Variants in ITIH2 observed in about 807,000 individuals in gnomAD.
ITIH2 encodes inter-alpha-trypsin inhibitor heavy chain 2.
Under a neutral mutation model 104.4 loss-of-function variants are expected in ITIH2, and 103 were observed. The ratio of observed to expected loss-of-function variants is 0.99; its 90% CI spans 0.84 to 1.16. The LOEUF (loss-of-function observed/expected upper bound fraction) is 1.16. Among genes scored for constraint, ITIH2 ranks in the 50% most tolerant of loss-of-function variants. The pLI, the probability that ITIH2 is intolerant of heterozygous loss-of-function variation, is 0.00. For synonymous variants in ITIH2, 436 were observed against 435.4 expected (o/e 1.00, Z -0.02); for missense variants, 1,108 against 1,162.4 (o/e 0.95, Z 0.68).
At chr10:7,745,823 C>T (rs1349729449) in intron 19 of ITIH2, among the ~76,000 whole-genome samples, 6 of 151,270 alleles carry the variant, frequency 4.0e-5, no homozygotes, top group Non-Finnish European at 8.8e-5. Context: ...GGCGCAATCT[C>T]GGCTCACCGC....
rs745829511 is a variant in ITIH2, at chr10:7,735,024, C to T, written c.1890C>T (p.Ile630=). The T allele has an allele frequency of 2.5e-5, 40 of 1,613,520 alleles. No individual in the cohort carries two copies. In the Middle Eastern group the frequency reaches 4.6e-3, roughly 186 times the overall value. Residue 630 remains isoleucine (I), a synonymous_variant, in exon 15 of 21, where the codon ATC becomes ATT. Transcript: ENST00000358415. ...TGACTCCGCTGACCTCGCTGGTGAT[C>T]GAGAACGAGGCTGGGGATGAGCGCA... ...HIVTPLTSLV[I]ENEAGDERML...
chr10:7,735,125 G>A (rs746263855), intron 15 of ITIH2, 34 bp downstream of exon 15: 2 of 1,571,596 alleles, frequency 1.3e-6, no homozygotes, highest in South Asian at 2.3e-5. Flanking sequence ...AAGTGGCCAG[G>A]CAGCTCTCTT....
chr10:7,738,597 A>G (rs1343450216), intron 15 of ITIH2, 24 bp from the exon 16 acceptor site: 1 of 1,611,880 alleles, frequency 6.2e-7, no homozygotes, highest in Non-Finnish European at 8.5e-7. Flanking sequence ...CTAGAAACTA[A>G]CAGATGCAGG....
At chr10:7,725,354 C>G (rs1053873472) in intron 9 of ITIH2, among the ~76,000 whole-genome samples, 6 of 152,112 alleles carry the variant, frequency 3.9e-5, no homozygotes, top group Non-Finnish European at 2.9e-5. Flanking sequence ...ATGCAATGAA[C>G]AGCTCATGCA....
chr10:7,744,085 T>C lies in ITIH2; in HGVS notation c.2213T>C (p.Ile738Thr), dbSNP rs149235348. 1.6e-5 allele frequency: 26 copies of C among 1,613,226 alleles called. No homozygotes were observed. The highest frequency in any genetic ancestry group is 1.5e-4 in the South Asian group (14 of 91,044). Residue 738 changes from isoleucine to threonine, a missense_variant, in exon 18 of 21, where the codon ATT (isoleucine) becomes ACT (threonine). Ile to Thr is a moderately conservative substitution (Grantham distance 89). Coordinates refer to ENST00000358415, the MANE Select transcript of ITIH2 (RefSeq NM_002216.3). ...LNLVSDPESGIVVNGQLVGAK... is the reference protein window; with the variant it reads ...LNLVSDPESGTVVNGQLVGAK... ...ATCATTTTTTTCTTTCCTGTAGGAA[T>C]TGTAGTCAACGGTCAGCTTGTTGGT...
intron 9 of ITIH2, among the ~76,000 whole-genome samples, chr10:7,725,362 G>A (rs1834942542): frequency 1.3e-5 from 2 of 152,268 alleles, no homozygotes; most frequent in South Asian, 4.1e-4. Context: ...AACAGCTCAT[G>A]CAACAGTTCT....
At chr10:7,712,669 C>T (rs76962144) in intron 4 of ITIH2, among the ~76,000 whole-genome samples, 7,624 of 152,186 alleles carry the variant, frequency 0.05, 256 homozygotes, top group Admixed American at 0.076. Flanking sequence ...CTACCAAACC[C>T]CTCTCAAGCC....
chr10:7,705,882 C>A (rs1251422443), intron 2 of ITIH2, among the ~76,000 whole-genome samples: 2 of 152,012 alleles, frequency 1.3e-5, no homozygotes, highest in Admixed American at 1.3e-4. Flanking sequence ...CTGAGGGCAC[C>A]TGAGAAGGAG....
chr10:7,740,241 C>T (rs984868387), intron 16 of ITIH2, among the ~76,000 whole-genome samples: 2 of 152,150 alleles, frequency 1.3e-5, no homozygotes, highest in African/African-American at 4.8e-5. Flanking sequence ...TCATCTCACC[C>T]TTAGGGCTTA....
chr10:7,720,435 G>A (rs1452660055), intron 6 of ITIH2, among the ~76,000 whole-genome samples: 2 of 152,180 alleles, frequency 1.3e-5, no homozygotes, highest in Admixed American at 6.5e-5. Flanking sequence ...AAAGCAAGAA[G>A]ACAGAGAAGA....
At chr10:7,727,327 A>G (rs894846450) in intron 10 of ITIH2, among the ~76,000 whole-genome samples, 1 of 152,222 alleles carries the variant, frequency 6.6e-6, no homozygotes, top group Non-Finnish European at 1.5e-5. Context: ...AACCGTTTTA[A>G]TGTCTCTCAG....
intron 6 of ITIH2, among the ~76,000 whole-genome samples, chr10:7,718,064 C>G (rs1261579383): frequency 6.6e-6 from 1 of 152,120 alleles, no homozygotes; most frequent in Non-Finnish European, 1.5e-5. Context: ...AATTGATTCT[C>G]TCATGGAAGT....
Position 7,744,787 on chromosome 10 carries a change from C to G in ITIH2, c.2409-4C>G. The G allele has an allele frequency of 6.2e-7, 1 of 1,612,158 alleles. No individual in the cohort carries two copies. Among genetic ancestry groups the G allele is most frequent in the East Asian group, 2.2e-5 (1 of 44,866 alleles). ...GTTTAATTCCTCTTGGACTTTCACA[C>G]CAGGGTGCAGATCTCAGTGAAGAAA... On this transcript the variant is annotated splice_region_variant and splice_polypyrimidine_tract_variant and intron_variant, in intron 18 of 20. Coordinates refer to ENST00000358415, the MANE Select transcript of ITIH2 (RefSeq NM_002216.3).
rs781368500 is a variant in ITIH2 at position 7,721,718 on chromosome 10, G to C, written c.808G>C (p.Asp270His). 1 of 1,614,102 alleles carries C rather than the reference G, an allele frequency of 6.2e-7. No homozygotes were observed. The highest frequency in any genetic ancestry group is 8.5e-7 in the Non-Finnish European group (1 of 1,179,984). Residue 270 changes from aspartate (D) to histidine (H), a missense_variant, in exon 8 of 21, where the codon GAT becomes CAT. Physicochemically the swap from Asp to His is moderately conservative, Grantham distance 81. Transcript: ENST00000358415. ...ICPNCRETAV[D>H]GELVVLYDVK... ...CCCTAACTGCCGGGAGACTGCGGTA[G>C]ATGGGGAACTGGTGGTGCTGTATGA... is the stretch of plus-strand genomic sequence containing the variant.
intron 9 of ITIH2, among the ~76,000 whole-genome samples, chr10:7,726,694 T>A (rs924661220): frequency 6.6e-6 from 1 of 152,208 alleles, no homozygotes; most frequent in Non-Finnish European, 1.5e-5. Context: ...AAGTTTGTGA[T>A]CCTTAACATA....
intron 6 of ITIH2, among the ~76,000 whole-genome samples, chr10:7,718,550 AG>A (rs139842284): frequency 0.055 from 8,378 of 152,090 alleles, 677 homozygotes; most frequent in African/African-American, 0.18. Context: ...TTTTAAGTTC[AG>A]GGGCATATGT....
chr10:7,737,373 A>G (rs1835065185), intron 15 of ITIH2, among the ~76,000 whole-genome samples: 1 of 144,134 alleles, frequency 6.9e-6, no homozygotes, highest in Non-Finnish European at 1.5e-5. Flanking sequence ...ACATATATAC[A>G]TATATGATAT....
At chr10:7,733,166 T>C (rs1416008894) in intron 14 of ITIH2, among the ~76,000 whole-genome samples, 1 of 152,168 alleles carries the variant, frequency 6.6e-6, no homozygotes, top group South Asian at 2.1e-4. Flanking sequence ...ACTCTTTCAA[T>C]GTCTGTGATC....
chr10:7,738,215 A>G (rs191856404), intron 15 of ITIH2, among the ~76,000 whole-genome samples: 26 of 94,928 alleles, frequency 2.7e-4, no homozygotes, highest in Non-Finnish European at 3.7e-4. Context: ...TATATATTAT[A>G]TTCTATATAA....
Sources: allele counts gnomAD v4.1 joint callset (sites outside exome capture counted in the v4.1 genomes callset), GRCh38; gene constraint gnomAD v4.1.1; transcripts MANE v1.5; gene names NCBI Gene and HGNC (gene_info 2026-07-23, HGNC 2026-07-21).